The following PLAUR variants were observed in gnomAD, a reference collection of about 807,000 sequenced individuals.
PLAUR encodes the protein plasminogen activator, urokinase receptor.
PLAUR carries 22 observed loss-of-function variants against 33.4 expected under a neutral mutation model. The ratio of observed to expected loss-of-function variants is 0.66; its 90% CI spans 0.47 to 0.94. PLAUR has a LOEUF of 0.94. PLAUR is among the 40% of genes least tolerant of loss of function. The pLI is 0.00. For synonymous variants in PLAUR, 148 were observed against 167.3 expected (o/e 0.88, Z 0.89); for missense variants, 408 against 434.7 (o/e 0.94, Z 0.55).
At chr19:43,666,398 C>T (rs911536574) in intron 2 of PLAUR, among the ~76,000 whole-genome samples, 10 of 152,108 alleles carry the variant, frequency 6.6e-5, no homozygotes, top group African/African-American at 2.4e-4. Flanking sequence ...ATTATTACCA[C>T]AGTGTTTCTC....
At chr19:43,649,333 T>C (rs1442555097) in intron 6 of PLAUR, among the ~76,000 whole-genome samples, 190 bp from the exon 7 acceptor site, 1 of 151,880 alleles carries the variant, frequency 6.6e-6, no homozygotes, top group Non-Finnish European at 1.5e-5. Context: ...GGAGAGAGGA[T>C]AGCTTGAGCC....
chr19:43,657,854 GCC>G (rs1004977561), intron 3 of PLAUR, among the ~76,000 whole-genome samples: 6 of 152,148 alleles, frequency 3.9e-5, no homozygotes, highest in Admixed American at 3.9e-4. Context: ...CCCTGTGGTA[GCC>G]TGTCTCCAAA....
intron 3 of PLAUR, among the ~76,000 whole-genome samples, chr19:43,663,157 C>G (rs1468323690): frequency 2.0e-5 from 3 of 152,148 alleles, no homozygotes; most frequent in African/African-American, 4.8e-5. Context: ...TGTGTTTCCC[C>G]CTTCATAGCC....
chr19:43,666,220 G>A (rs759107821), intron 2 of PLAUR, among the ~76,000 whole-genome samples: 4 of 152,044 alleles, frequency 2.6e-5, no homozygotes, highest in Non-Finnish European at 5.9e-5. Context: ...GAGCTACTGT[G>A]CTTGGCTTCA....
rs769626277 is a variant in PLAUR at position 43,667,638 on chromosome 19, C to T, written c.109G>A (p.Glu37Lys). The change falls in exon 2 of 7, where the codon GAA becomes AAA. Residue 37 changes from glutamate to lysine, a missense_variant. Glu to Lys is a moderately conservative substitution (Grantham distance 56, BLOSUM62 1). Transcript: ENST00000340093. ...AGGTCCTGTCCCAGGGCGCACTCTTCCACACGGCAATCCCCGTTGGTCTTA... is the reference window on the plus strand; with the variant it reads ...AGGTCCTGTCCCAGGGCGCACTCTTTCACACGGCAATCCCCGTTGGTCTTA... The part of the protein sequence containing the change: ...QCKTNGDCRV[E>K]ECALGQDLCR... 12 of 1,613,992 alleles carry T rather than the reference C, an allele frequency of 7.4e-6. No homozygotes were observed. The South Asian group carries it at 1.3e-4, about 18-fold the overall frequency.
At chr19:43,659,497 C>T (rs1267889063) in intron 3 of PLAUR, among the ~76,000 whole-genome samples, 1 of 152,142 alleles carries the variant, frequency 6.6e-6, no homozygotes, top group Non-Finnish European at 1.5e-5. Flanking sequence ...TATAGACTCT[C>T]TCATGGGGTA....
intron 6 of PLAUR, among the ~76,000 whole-genome samples, chr19:43,650,336 G>GT (rs1174588249): frequency 1.4e-5 from 2 of 147,548 alleles, no homozygotes; most frequent in Non-Finnish European, 3.0e-5. Context: ...TTCTTTGTTT[G>GT]TTTTTTTAAG....
chr19:43,661,570 T>G (rs1966997867), intron 3 of PLAUR: 1 of 152,212 alleles, frequency 6.6e-6, no homozygotes, highest in Non-Finnish European at 1.5e-5. Context: ...CTAACTTTTG[T>G]ATTTTTAGTA....
downstream of PLAUR, among the ~76,000 whole-genome samples, chr19:43,648,112 CTT>C (rs1330152202): frequency 6.6e-6 from 1 of 151,818 alleles, no homozygotes; most frequent in African/African-American, 2.4e-5. Flanking sequence ...AGGGGTTTAT[CTT>C]AGGGTTGGAA....
chr19:43,669,432 A>C (rs1967421717), intron 1 of PLAUR, among the ~76,000 whole-genome samples: 1 of 152,174 alleles, frequency 6.6e-6, no homozygotes, highest in African/African-American at 2.4e-5. Context: ...TCTGTGCCCT[A>C]GTTTCCTCTG....
chr19:43,651,932 G>A (rs1974009251), intron 6 of PLAUR: 2 of 1,132,764 alleles, frequency 1.8e-6, no homozygotes, highest in Admixed American at 8.0e-5. Context: ...TGCCCAGGCT[G>A]GTCTCAAACT....
In PLAUR at chr19:43,655,518, C is replaced by T. The variant is rs143053936; in HGVS notation, c.528G>A (p.Pro176=). ...LRGCGYLPGC[P]GSNGFHNNDT... ...CGTTGTTGTGGAAACCATTGGAGCCCGGGCAGCCGGGAAGGTAGCCACAGC... is the reference window on the plus strand; with the variant it reads ...CGTTGTTGTGGAAACCATTGGAGCCTGGGCAGCCGGGAAGGTAGCCACAGC... Residue 176 remains proline, a synonymous_variant, in exon 5 of 7, where the codon CCG becomes CCA. Coordinates refer to ENST00000340093, the MANE Select transcript of PLAUR (RefSeq NM_002659.4). 1.2e-4 allele frequency: 190 copies of T among 1,614,134 alleles called. 1 individual carries two copies. The highest frequency in any genetic ancestry group is 6.3e-4 in the Admixed American group (38 of 60,006).
chr19:43,668,162 C>A, intron 1 of PLAUR: 1 of 990,796 alleles, frequency 1.0e-6, no homozygotes, highest in Non-Finnish European at 1.2e-6. Flanking sequence ...GGAACTATCC[C>A]TCCACTCACT....
chr19:43,667,913 T>C lies in PLAUR; in HGVS notation c.56-222A>G, dbSNP rs116432433. ...TGAACGTTCTATCCCTGCCCACAAG[T>C]CCTTTCCCAAAGTCCTGCCTTGGCC... is the stretch of plus-strand genomic sequence containing the variant. On this transcript the variant is annotated intron_variant, in intron 1 of 6. Transcript: ENST00000340093. 3,011 of 1,392,192 alleles carry C rather than the reference T, an allele frequency of 2.2e-3. 50 individuals are homozygous for C. In the African/African-American group the frequency reaches 0.04, roughly 19 times the overall value. The allele number at this position is 1,392,192 out of a possible 1,614,324, so 86.2% of individuals were successfully genotyped here.
At chr19:43,650,515 A>G (rs1973953367) in intron 6 of PLAUR, among the ~76,000 whole-genome samples, 1 of 151,510 alleles carries the variant, frequency 6.6e-6, no homozygotes, top group African/African-American at 2.4e-5. Flanking sequence ...CTGTAGAGAC[A>G]GGATCTTGCT....
intron 4 of PLAUR, among the ~76,000 whole-genome samples, 155 bp from the exon 5 acceptor site, chr19:43,655,728 A>G (rs1241660794): frequency 6.6e-6 from 1 of 152,190 alleles, no homozygotes; most frequent in Non-Finnish European, 1.5e-5. Context: ...CTTGTCGAAA[A>G]CTACATATTC....
intron 2 of PLAUR, among the ~76,000 whole-genome samples, chr19:43,665,971 T>C (rs1967224870): frequency 2.0e-5 from 3 of 152,010 alleles, no homozygotes; most frequent in Non-Finnish European, 2.9e-5. Flanking sequence ...ACTCCTGCTC[T>C]TGTAGTGACA....
At chr19:43,656,720 T>A (rs1974230163) in intron 3 of PLAUR, 80 bp from the exon 4 acceptor site, 6 of 1,206,920 alleles carry the variant, frequency 5.0e-6, no homozygotes, top group Non-Finnish European at 6.9e-6. Flanking sequence ...TCACTCAAAA[T>A]CAATTCCTCC....
At position 43,656,559 on chromosome 19, in the gene PLAUR, C is replaced by T. The variant is rs780621910; in HGVS notation, c.392G>A (p.Arg131Gln). ...GSSDMSCERG[R>Q]HQSLQCRSPE... ...GCTGCGGCACTGCAGGCTCTGGTGC[C>T]GGCCCCTCTCACAGCTCATGTCTGA... Residue 131 changes from arginine (R) to glutamine (Q), a missense_variant, in exon 4 of 7, where the codon CGG becomes CAG. Arg to Gln is a conservative substitution (Grantham distance 43). Transcript: ENST00000340093. The T allele has an allele frequency of 2.4e-5, 38 of 1,613,058 alleles. No individual in the cohort carries two copies. Among genetic ancestry groups the T allele is most frequent in the Middle Eastern group, 1.6e-4 (1 of 6,082 alleles).
Sources: allele counts gnomAD v4.1 joint callset (sites outside exome capture counted in the v4.1 genomes callset), GRCh38; gene constraint gnomAD v4.1.1; transcripts MANE v1.5; gene names NCBI Gene and HGNC (gene_info 2026-07-23, HGNC 2026-07-21).